The following PRKCA variants were observed in gnomAD, a reference collection of about 807,000 sequenced individuals.
The protein encoded by PRKCA is protein kinase C alpha.
In PRKCA, 27 loss-of-function variants were observed where a neutral mutation model predicts 87.0. The observed-to-expected ratio is 0.31, with a 90% CI of 0.23 to 0.43. The LOEUF (loss-of-function observed/expected upper bound fraction) is 0.43. Ranked by LOEUF, PRKCA falls within the 20% of genes least tolerant of loss-of-function variation. PRKCA has a pLI of 1.00. For missense variants in PRKCA, 518 were observed against 852.3 expected (o/e 0.61, Z 4.88); for synonymous variants, 329 against 311.1 (o/e 1.06, Z -0.61).
At chr17:66,775,378 G>T in intron 14 of PRKCA, 1 of 984,626 alleles carries the variant, frequency 1.0e-6, no homozygotes, top group Non-Finnish European at 1.2e-6. Context: ...CCTAGAAATG[G>T]CATGTATCAC....
intron 5 of PRKCA, among the ~76,000 whole-genome samples, chr17:66,652,450 T>C (rs560297469): frequency 2.0e-5 from 3 of 152,296 alleles, no homozygotes; most frequent in South Asian, 4.1e-4. Context: ...GTAATGGTCA[T>C]GTGATTTTGG....
At chr17:66,610,065 G>A (rs944950096) in intron 3 of PRKCA, among the ~76,000 whole-genome samples, 4 of 152,210 alleles carry the variant, frequency 2.6e-5, no homozygotes, top group Admixed American at 2.0e-4. Flanking sequence ...CACCATCCCT[G>A]CTTCAGACAC....
chr17:66,643,770 A>T (rs1353424939), intron 4 of PRKCA, among the ~76,000 whole-genome samples: 1 of 152,186 alleles, frequency 6.6e-6, no homozygotes, highest in Non-Finnish European at 1.5e-5. Context: ...GCAGAGAAGA[A>T]GCCTCTTCCT....
chr17:66,349,390 A>G (rs771058835), intron 2 of PRKCA, among the ~76,000 whole-genome samples: 11 of 152,228 alleles, frequency 7.2e-5, no homozygotes, highest in South Asian at 2.1e-4. Context: ...AAGGTTGCAC[A>G]TGTCTTAGGG....
chr17:66,386,504 G>A (rs1427362259), intron 2 of PRKCA, among the ~76,000 whole-genome samples: 1 of 152,192 alleles, frequency 6.6e-6, no homozygotes, highest in East Asian at 1.9e-4. Context: ...TCTGTAAAAT[G>A]GGAATATTAA....
intron 5 of PRKCA, among the ~76,000 whole-genome samples, chr17:66,669,716 C>T (rs1972126293): frequency 6.6e-6 from 1 of 152,122 alleles, no homozygotes. Flanking sequence ...GCCTGGGCAA[C>T]ATGGTGAAAC....
chr17:66,539,262 T>G (rs1967895998), intron 3 of PRKCA, among the ~76,000 whole-genome samples: 1 of 152,164 alleles, frequency 6.6e-6, no homozygotes, highest in Non-Finnish European at 1.5e-5. Context: ...AATAAACGCT[T>G]TGGGTGGAGG....
At chr17:66,783,490 C>T (rs755701763) in intron 14 of PRKCA, among the ~76,000 whole-genome samples, 5 of 152,106 alleles carry the variant, frequency 3.3e-5, no homozygotes, top group Non-Finnish European at 5.9e-5. Flanking sequence ...TCTATAGAAT[C>T]GAATCCCTGA....
intron 3 of PRKCA, among the ~76,000 whole-genome samples, chr17:66,584,067 T>A (rs1969523948): frequency 6.6e-6 from 1 of 152,194 alleles, no homozygotes; most frequent in Non-Finnish European, 1.5e-5. Flanking sequence ...GAGTCCTGTC[T>A]GTCCTTTGCA....
At chr17:66,339,272 A>C (rs1306137322) in intron 2 of PRKCA, among the ~76,000 whole-genome samples, 1 of 152,226 alleles carries the variant, frequency 6.6e-6, no homozygotes, top group Non-Finnish European at 1.5e-5. Flanking sequence ...TCAGTGAGCT[A>C]GCATTGAGAT....
chr17:66,637,233 G>C (rs1277627558), intron 3 of PRKCA, among the ~76,000 whole-genome samples: 1 of 152,100 alleles, frequency 6.6e-6, no homozygotes, highest in Admixed American at 6.5e-5. Flanking sequence ...AACCACCCTG[G>C]GGCTGCCTGG....
intron 8 of PRKCA, among the ~76,000 whole-genome samples, chr17:66,693,841 C>T (rs1443268782): frequency 6.6e-6 from 1 of 152,184 alleles, no homozygotes; most frequent in Non-Finnish European, 1.5e-5. Context: ...TCCAATAACA[C>T]GTTACTTACA....
At chr17:66,306,216 C>A in intron 2 of PRKCA, 89 bp downstream of exon 2, 1 of 1,353,448 alleles carries the variant, frequency 7.4e-7, no homozygotes, top group Non-Finnish European at 1.0e-6. Context: ...ATTTTCTTTC[C>A]AATAAAAAAA....
At chr17:66,440,043 GT>G (rs1415868281) in intron 2 of PRKCA, among the ~76,000 whole-genome samples, 1 of 152,118 alleles carries the variant, frequency 6.6e-6, no homozygotes. Flanking sequence ...GGGTCTTGGG[GT>G]TTTCCCCCCT....
At chr17:66,674,416 G>A (rs1339705678) in intron 5 of PRKCA, among the ~76,000 whole-genome samples, 1 of 152,186 alleles carries the variant, frequency 6.6e-6, no homozygotes, top group Non-Finnish European at 1.5e-5. Context: ...TGGGCAGTAG[G>A]GGTTCAAAAT....
At chr17:66,527,452 A>T (rs988631453) in intron 3 of PRKCA, among the ~76,000 whole-genome samples, 1 of 152,174 alleles carries the variant, frequency 6.6e-6, no homozygotes, top group Non-Finnish European at 1.5e-5. Context: ...TTTATTATTA[A>T]TGTTTTGTGG....
chr17:66,405,923 G>T (rs1033529304), intron 2 of PRKCA, among the ~76,000 whole-genome samples: 2 of 152,132 alleles, frequency 1.3e-5, no homozygotes, highest in Non-Finnish European at 2.9e-5. Flanking sequence ...GCTTCCTGTG[G>T]ACAATTATTA....
At chr17:66,703,293 T>G (rs906116064) in intron 8 of PRKCA, 1 of 152,190 alleles carries the variant, frequency 6.6e-6, no homozygotes, top group African/African-American at 2.4e-5. Context: ...AAATTTTTTT[T>G]CTGTTAAAAA....
chr17:66,724,223 G>A (rs1013062248), intron 8 of PRKCA, among the ~76,000 whole-genome samples: 3 of 151,882 alleles, frequency 2.0e-5, no homozygotes, highest in Admixed American at 1.3e-4. Flanking sequence ...GTGAACCCGG[G>A]AGGTGGAGGT....
Sources: gnomAD v4.1 joint callset for allele counts (sites outside exome capture counted in the v4.1 genomes callset) on GRCh38, gnomAD v4.1.1 for gene constraint, MANE v1.5 for transcripts, NCBI Gene and HGNC (gene_info 2026-07-23, HGNC 2026-07-21) for gene names.